ZNF573: variants seen among roughly 807,000 people sequenced by gnomAD.
The protein encoded by ZNF573 is zinc finger protein 573.
Under a neutral mutation model 57.4 loss-of-function variants are expected in ZNF573, and 41 were observed. The observed-to-expected ratio is 0.71, with a 90% confidence interval of 0.56 to 0.93. The LOEUF is 0.93. Ranked by LOEUF, ZNF573 falls within the 40% of genes least tolerant of loss-of-function variation. The probability of loss-of-function intolerance (pLI) is 0.00; values close to 1 mark genes in which losing one functional copy is unlikely to be tolerated. For missense variants in ZNF573, 730 were observed against 794.8 expected (o/e 0.92, Z 0.98); for synonymous variants, 249 against 261.0 (o/e 0.95, Z 0.44).
At chr19:37,761,202 GA>G (rs58852794) in intron 4 of ZNF573, among the ~76,000 whole-genome samples, 1 of 150,540 alleles carries the variant, frequency 6.6e-6, no homozygotes, top group Non-Finnish European at 1.5e-5. Flanking sequence ...TCTCAAAAAG[GA>G]AAAAAAAAGA....
chr19:37,753,706 C>T (rs910014393), intron 4 of ZNF573, among the ~76,000 whole-genome samples: 3 of 152,052 alleles, frequency 2.0e-5, no homozygotes, highest in African/African-American at 7.2e-5. Context: ...AAAGCACATA[C>T]TATTAGAGTT....
rs1370216463 is a variant in ZNF573 at position 37,767,015 on chromosome 19, T to A, written c.295+2990A>T. Among the ~76,000 whole-genome samples, 4 of 152,148 alleles carry A rather than the reference T, an allele frequency of 2.6e-5. No homozygotes were observed. The East Asian group carries it at 7.7e-4, about 29-fold the overall frequency. On this transcript the variant is annotated intron_variant, in intron 4 of 4. Transcript: ENST00000536220. ...AAGGATAATAATCCCTTTCCAAAAC[T>A]ATTAATAATTCTCAAGGAGATAGGG...
chr19:37,744,740 C>CAAAAAAAAAAAA (rs1193916273), intron 4 of ZNF573, among the ~76,000 whole-genome samples: 9 of 38,262 alleles, frequency 2.4e-4, no homozygotes, highest in South Asian at 8.0e-4. Context: ...GACCCTATCT[C>CAAAAAAAAAAAA]AAAAAAAAAA....
At chr19:37,747,825 TAC>T (rs770474540) in intron 4 of ZNF573, among the ~76,000 whole-genome samples, 1 of 152,136 alleles carries the variant, frequency 6.6e-6, no homozygotes, top group Non-Finnish European at 1.5e-5. Flanking sequence ...TAGCTGGGAC[TAC>T]AGGCGCCTGA....
At chr19:37,778,027 A>G (rs1187049168) in intron 1 of ZNF573, among the ~76,000 whole-genome samples, 2 of 143,536 alleles carry the variant, frequency 1.4e-5, no homozygotes, top group African/African-American at 5.0e-5. Context: ...TCTGTCTCAA[A>G]AAAAAAAAAA....
intron 2 of ZNF573, 116 bp downstream of exon 2, chr19:37,773,545 A>G (rs765131624): frequency 1.4e-6 from 1 of 698,982 alleles, no homozygotes; most frequent in Non-Finnish European, 2.3e-6. Flanking sequence ...ATATTAGAAG[A>G]AAGTGGGGAC....
intron 4 of ZNF573, among the ~76,000 whole-genome samples, chr19:37,763,505 C>T (rs1375142957): frequency 1.3e-5 from 2 of 151,568 alleles, no homozygotes; most frequent in Admixed American, 6.6e-5. Context: ...GCAGAGGTTG[C>T]AGTGAGCCAA....
intron 4 of ZNF573, among the ~76,000 whole-genome samples, chr19:37,766,857 G>A (rs1247982015): frequency 1.3e-5 from 2 of 152,188 alleles, no homozygotes; most frequent in South Asian, 2.1e-4. Flanking sequence ...TCGATTAAGT[G>A]TAACAGTGAA....
chr19:37,756,981 A>G (rs2045494086), intron 4 of ZNF573, among the ~76,000 whole-genome samples: 2 of 151,912 alleles, frequency 1.3e-5, no homozygotes, highest in African/African-American at 4.8e-5. Context: ...TAAAAACACA[A>G]TGATAACCTC....
chr19:37,772,436 C>T (rs1466268658), intron 2 of ZNF573, among the ~76,000 whole-genome samples: 9 of 151,742 alleles, frequency 5.9e-5, no homozygotes, highest in African/African-American at 2.2e-4. Flanking sequence ...CCTGGCCAAT[C>T]TCCATATTTA....
intron 4 of ZNF573, among the ~76,000 whole-genome samples, chr19:37,744,134 A>C (rs1293160671): frequency 6.6e-6 from 1 of 152,114 alleles, no homozygotes; most frequent in East Asian, 1.9e-4. Flanking sequence ...AGGAAAAAAA[A>C]AAGACTACTG....
At chr19:37,767,529 G>A (rs1205355290) in intron 4 of ZNF573, among the ~76,000 whole-genome samples, 1 of 152,090 alleles carries the variant, frequency 6.6e-6, no homozygotes, top group African/African-American at 2.4e-5. Flanking sequence ...CACCATGCCC[G>A]GCAGAGATTC....
intron 4 of ZNF573, among the ~76,000 whole-genome samples, chr19:37,764,750 C>T (rs1479733590): frequency 6.7e-6 from 1 of 150,030 alleles, no homozygotes; most frequent in Non-Finnish European, 1.5e-5. Context: ...ACTACAGGTG[C>T]CCGCCACCAC....
At chr19:37,764,706 C>G (rs1050915811) in intron 4 of ZNF573, among the ~76,000 whole-genome samples, 1 of 151,582 alleles carries the variant, frequency 6.6e-6, no homozygotes, top group Non-Finnish European at 1.5e-5. Context: ...CGGGTTCACA[C>G]CATTCTCCTG....
At chr19:37,761,652 G>C (rs941474352) in intron 4 of ZNF573, among the ~76,000 whole-genome samples, 1 of 152,178 alleles carries the variant, frequency 6.6e-6, no homozygotes, top group African/African-American at 2.4e-5. Flanking sequence ...AGGAATACGT[G>C]TTCTGAGAGG....
Position 37,738,576 on chromosome 19 carries a change from A to T in ZNF573, c.1914T>A (p.Tyr638Ter). Residue 638 changes from tyrosine (Y) to a stop codon, truncating the protein, a stop_gained, in exon 5 of 5, where the codon TAT (tyrosine) becomes TAA (stop). Coordinates refer to ENST00000536220, the MANE Select transcript of ZNF573 (RefSeq NM_001172690.2). LOFTEE classifies it high-confidence loss of function. ...HERIHTGEKPYVCKQCGKTFR... is the reference protein window; with the variant it reads ...HERIHTGEKP ...AGGTTTTCCCACACTGCTTACACAC[A>T]TAGGGTTTCTCACCAGTATGAATTC... The T allele has an allele frequency of 6.2e-7, 1 of 1,606,066 alleles. No individual in the cohort carries two copies. The highest frequency in any genetic ancestry group is 1.3e-5 in the African/African-American group (1 of 74,722).
intron 4 of ZNF573, 54 bp downstream of exon 4, chr19:37,769,951 T>A: frequency 6.8e-7 from 1 of 1,462,368 alleles, no homozygotes; most frequent in Non-Finnish European, 9.4e-7. Context: ...ATGTCTCCTT[T>A]CTCTTACCAC....
intron 4 of ZNF573, among the ~76,000 whole-genome samples, chr19:37,759,964 T>C (rs1174907831): frequency 6.6e-6 from 1 of 152,218 alleles, no homozygotes; most frequent in African/African-American, 2.4e-5. Context: ...AGATTATTTT[T>C]CTCAGCTTCA....
intron 3 of ZNF573, among the ~76,000 whole-genome samples, chr19:37,770,873 T>TATATATATATATATATATATATATA (rs1599707908): frequency 2.4e-4 from 31 of 129,746 alleles, no homozygotes; most frequent in African/African-American, 5.2e-4. Context: ...TATATATATA[T>TATATATATATATATATATATATATA]TCCCCCTCCC....
Sources: allele counts gnomAD v4.1 joint callset (sites outside exome capture counted in the v4.1 genomes callset), GRCh38; gene constraint gnomAD v4.1.1; transcripts MANE v1.5; gene names NCBI Gene and HGNC (gene_info 2026-07-23, HGNC 2026-07-21).